CACNA1D: variants seen among roughly 807,000 people sequenced by gnomAD.
CACNA1D encodes calcium voltage-gated channel subunit alpha1 D.
In CACNA1D, 55 loss-of-function variants were observed where a neutral mutation model predicts 257.1. That is an observed-to-expected ratio of 0.21 (90% CI 0.17 to 0.27). The LOEUF (loss-of-function observed/expected upper bound fraction) is 0.27. CACNA1D is among the 10% of genes least tolerant of loss of function. The pLI, the probability that CACNA1D is intolerant of heterozygous loss-of-function variation, is 1.00. For synonymous variants in CACNA1D, 980 were observed against 1,014.9 expected (o/e 0.97, Z 0.65); for missense variants, 1,876 against 2,784.0 (o/e 0.67, Z 7.34).
chr3:53,749,455 C>A lies in CACNA1D; in HGVS notation c.3502C>A (p.Leu1168Met). 1 of 1,612,750 alleles carries A rather than the reference C, an allele frequency of 6.2e-7. No individual in the cohort carries two copies. The highest frequency in any genetic ancestry group is 2.2e-5 in the East Asian group (1 of 44,888). Residue 1168 changes from leucine (L) to methionine (M), a missense_variant, in exon 27 of 48, where the codon CTG becomes ATG. Physicochemically the swap from Leu to Met is conservative, Grantham distance 15 (BLOSUM62 2). Coordinates refer to ENST00000350061, the MANE Select transcript of CACNA1D (RefSeq NM_001128840.3). ...AGAAAAAGAGTATAAGAACTGTGAGCTGGACAAAAATCAGGTTAAAGTCAC... is the reference window on the plus strand; with the variant it reads ...AGAAAAAGAGTATAAGAACTGTGAGATGGACAAAAATCAGGTTAAAGTCAC... ...QGEKEYKNCELDKNQRQCVEY... is the reference protein window; with the variant it reads ...QGEKEYKNCEMDKNQRQCVEY...
intron 3 of CACNA1D, among the ~76,000 whole-genome samples, chr3:53,582,511 C>T (rs1388906560): frequency 8.6e-5 from 13 of 151,968 alleles, no homozygotes. Flanking sequence ...TAGAGCTTGA[C>T]TTGGAAAGGG....
intron 3 of CACNA1D, among the ~76,000 whole-genome samples, chr3:53,550,480 T>A (rs1315192569): frequency 6.6e-6 from 1 of 152,216 alleles, no homozygotes; most frequent in Non-Finnish European, 1.5e-5. Context: ...GGCCTTCCTG[T>A]GTAAGTGGGT....
intron 11 of CACNA1D, among the ~76,000 whole-genome samples, chr3:53,720,750 T>C (rs1010650266): frequency 1.3e-5 from 2 of 152,352 alleles, no homozygotes; most frequent in Admixed American, 1.3e-4. Context: ...CAATGACAAG[T>C]TCTGACAAGG....
At chr3:53,632,898 C>T (rs537196330) in intron 3 of CACNA1D, among the ~76,000 whole-genome samples, 32 of 152,170 alleles carry the variant, frequency 2.1e-4, no homozygotes, top group African/African-American at 6.3e-4. Flanking sequence ...CATAGATCAC[C>T]GTACCAGATA....
chr3:53,529,787 T>C (rs568134901), intron 3 of CACNA1D, among the ~76,000 whole-genome samples: 1 of 152,338 alleles, frequency 6.6e-6, no homozygotes, highest in East Asian at 1.9e-4. Context: ...TTATATTTTA[T>C]TAGCAAAATT....
chr3:53,807,839 A>G (rs564167538), intron 45 of CACNA1D: 2 of 152,366 alleles, frequency 1.3e-5, no homozygotes, highest in East Asian at 3.9e-4. Flanking sequence ...GTTTGTATTC[A>G]GTGCTAGAGA....
At chr3:53,646,335 G>C (rs954348442) in intron 3 of CACNA1D, among the ~76,000 whole-genome samples, 1 of 152,172 alleles carries the variant, frequency 6.6e-6, no homozygotes, top group Non-Finnish European at 1.5e-5. Flanking sequence ...TTTCAGGCTT[G>C]TTCTAAAAAG....
chr3:53,743,967 C>T (rs896658266), intron 22 of CACNA1D, among the ~76,000 whole-genome samples: 12 of 152,172 alleles, frequency 7.9e-5, no homozygotes, highest in African/African-American at 2.7e-4. Context: ...AGGCCATTTG[C>T]ATTAACATCT....
At position 53,497,158 on chromosome 3, in the gene CACNA1D, A is replaced by C. The variant is rs1415040812; in HGVS notation, c.74A>C (p.Asn25Thr). Reference sequence around the variant, plus strand: ...TTTTTCTCCTTCTCCCCAGAGGCAAACTATGCAAGAGGCACCAGACTTCCT... The same window carrying C: ...TTTTTCTCCTTCTCCCCAGAGGCAACCTATGCAAGAGGCACCAGACTTCCT... Reference protein sequence around the residue: ...QQQADHANEANYARGTRLPLS... With the variant: ...QQQADHANEATYARGTRLPLS... Residue 25 changes from asparagine to threonine, a missense_variant, in exon 2 of 48, where the codon AAC (asparagine) becomes ACC (threonine). By Grantham distance (65) the Asn-to-Thr change is moderately conservative (BLOSUM62 0). Around this residue, in one of 10 missense-constraint regions of CACNA1D, gnomAD observed 143 missense variants for 168.7 expected, o/e 0.85. Coordinates refer to ENST00000350061, the MANE Select transcript of CACNA1D (RefSeq NM_001128840.3). 6.2e-7 allele frequency: 1 copy of C among 1,613,870 alleles called. No homozygotes were observed. Among genetic ancestry groups the C allele is most frequent in the Non-Finnish European group, 8.5e-7 (1 of 1,179,970 alleles).
chr3:53,509,853 AG>A (rs1223050371), intron 3 of CACNA1D, among the ~76,000 whole-genome samples: 26 of 152,338 alleles, frequency 1.7e-4, no homozygotes, highest in African/African-American at 6.0e-4. Context: ...TGCATAACAT[AG>A]ACTCACAGAT....
At chr3:53,544,852 C>T (rs1300618943) in intron 3 of CACNA1D, among the ~76,000 whole-genome samples, 3 of 152,208 alleles carry the variant, frequency 2.0e-5, no homozygotes, top group Non-Finnish European at 4.4e-5. Context: ...TGGCAAGTTG[C>T]TTCATCCCTC....
intron 39 of CACNA1D, 81 bp downstream of exon 39, chr3:53,781,748 G>A: frequency 1.0e-6 from 1 of 966,368 alleles, no homozygotes; most frequent in Non-Finnish European, 1.7e-6. Flanking sequence ...TCCAGAGAGT[G>A]TTTGCAAAAT....
Position 53,810,976 on chromosome 3 carries a change from C to A in CACNA1D, c.6193-137C>A. On this transcript the variant is annotated intron_variant, in intron 47 of 47. Coordinates refer to ENST00000350061, the MANE Select transcript of CACNA1D (RefSeq NM_001128840.3). ...TTACACTAGTTATTATGTATGAGGTCTAGAAAACATGATTGAGCTGCATCC... is the reference window on the plus strand; with the variant it reads ...TTACACTAGTTATTATGTATGAGGTATAGAAAACATGATTGAGCTGCATCC... 10 of 720,194 alleles carry A rather than the reference C, an allele frequency of 1.4e-5. No individual in the cohort carries two copies. In the South Asian group the frequency reaches 1.6e-4, roughly 11 times the overall value. 44.6% of individuals were successfully genotyped at this position (720,194 alleles called of 1,614,324 possible).
chr3:53,656,479 A>G (rs1200841241), intron 4 of CACNA1D, among the ~76,000 whole-genome samples: 1 of 152,110 alleles, frequency 6.6e-6, no homozygotes, highest in East Asian at 1.9e-4. Flanking sequence ...CATGAAATTT[A>G]TAGTAGAAAA....
intron 4 of CACNA1D, among the ~76,000 whole-genome samples, chr3:53,653,914 C>A (rs2094123506): frequency 6.6e-6 from 1 of 152,010 alleles, no homozygotes; most frequent in African/African-American, 2.4e-5. Flanking sequence ...TTGTTAAAAA[C>A]CAAAGATAAG....
At chr3:53,502,360 G>A (rs1387923446) in intron 3 of CACNA1D, among the ~76,000 whole-genome samples, 1 of 151,996 alleles carries the variant, frequency 6.6e-6, no homozygotes, top group Non-Finnish European at 1.5e-5. Context: ...GATTTATAGT[G>A]CACATTAGCT....
intron 4 of CACNA1D, among the ~76,000 whole-genome samples, chr3:53,658,726 A>C (rs74375338): frequency 0.03 from 4,620 of 152,286 alleles, 98 homozygotes; most frequent in East Asian, 0.1. Flanking sequence ...ATTTACAGTA[A>C]TCTTTTAAAA....
intron 4 of CACNA1D, among the ~76,000 whole-genome samples, chr3:53,657,898 G>T (rs1576257913): frequency 6.6e-6 from 1 of 152,352 alleles, no homozygotes; most frequent in East Asian, 1.9e-4. Context: ...AGGACTCAGT[G>T]TGTCTGCCAG....
In CACNA1D at chr3:53,800,288, C is replaced by A. The variant is rs761607132; in HGVS notation, c.4963C>A (p.Arg1655=). 1.2e-6 allele frequency: 2 copies of A among 1,614,034 alleles called. No individual in the cohort carries two copies. The highest frequency in any genetic ancestry group is 1.1e-5 in the South Asian group (1 of 91,078). The change falls in exon 41 of 48, where the codon CGG becomes AGG. Residue 1655 remains arginine (R), a synonymous_variant. Coordinates refer to ENST00000350061, the MANE Select transcript of CACNA1D (RefSeq NM_001128840.3). The surrounding 1 kb of genome is among the most constrained non-coding windows in gnomAD (Gnocchi z 4.3). ...ACTGCATGACATTGGGCCAGAAATCCGGCGTGCTATATCGTGTGATTTGCA... is the reference window on the plus strand; with the variant it reads ...ACTGCATGACATTGGGCCAGAAATCAGGCGTGCTATATCGTGTGATTTGCA... ...RTLHDIGPEI[R]RAISCDLQDD...
Sources: allele counts gnomAD v4.1 joint callset (sites outside exome capture counted in the v4.1 genomes callset), GRCh38; gene constraint gnomAD v4.1.1; regional missense constraint gnomAD v4.1.1; non-coding constraint Gnocchi (gnomAD v3.1); transcripts MANE v1.5; gene names NCBI Gene and HGNC (gene_info 2026-07-23, HGNC 2026-07-21).